NTRK2: variants seen among roughly 807,000 people sequenced by gnomAD.
The protein encoded by NTRK2 is neurotrophic receptor tyrosine kinase 2.
A neutral mutation model predicts 94.5 loss-of-function variants in NTRK2; 13 were observed. The ratio of observed to expected loss-of-function variants is 0.14; its 90% CI spans 0.09 to 0.22. The LOEUF is 0.22. Ranked by LOEUF, NTRK2 falls within the 10% of genes least tolerant of loss-of-function variation. The probability of loss-of-function intolerance (pLI) is 1.00; values close to 1 mark genes in which losing one functional copy is unlikely to be tolerated. For synonymous variants in NTRK2, 372 were observed against 407.4 expected (o/e 0.91, Z 1.05); for missense variants, 639 against 1,071.2 (o/e 0.60, Z 5.63).
intron 16 of NTRK2, 107 bp from the exon 17 acceptor site, chr9:84,955,176 G>C (rs1164104537): frequency 3.5e-6 from 3 of 869,108 alleles, no homozygotes; most frequent in Non-Finnish European, 5.6e-6. Flanking sequence ...GCAGCTACAG[G>C]GTGGGGGTGA....
intron 2 of NTRK2, among the ~76,000 whole-genome samples, chr9:84,697,765 GGAAA>G (rs1361266335): frequency 6.6e-6 from 1 of 152,174 alleles, no homozygotes; most frequent in Non-Finnish European, 1.5e-5. Context: ...TGTGGAGCAG[GGAAA>G]GAAAGCTGTT....
chr9:84,718,322 C>T (rs1370162590), intron 6 of NTRK2, among the ~76,000 whole-genome samples: 1 of 152,074 alleles, frequency 6.6e-6, no homozygotes, highest in Non-Finnish European at 1.5e-5. Context: ...CCAACTCAGA[C>T]ATATTGGAAA....
chr9:84,872,132 C>G, intron 14 of NTRK2: 2 of 1,281,490 alleles, frequency 1.6e-6, no homozygotes, highest in East Asian at 3.3e-5. Flanking sequence ...TTTAACTCAA[C>G]TAGCTCGTTT....
At chr9:84,679,773 G>C (rs975893880) in intron 2 of NTRK2, among the ~76,000 whole-genome samples, 1 of 152,170 alleles carries the variant, frequency 6.6e-6, no homozygotes, top group Non-Finnish European at 1.5e-5. Context: ...TCTTTTGGTG[G>C]CTAAACAGCA....
At position 84,870,331 on chromosome 9, in the gene NTRK2, GTATATATATATATATA is replaced by G. The variant is rs1158637577; in HGVS notation, c.1633+2919_1633+2934del. The stretch of plus-strand genomic sequence containing the variant: ...ATACATATATGTGGGGTGTGTGTGT[GTATATATATATATATA>G]TATATATATATATATATAAAACTCT... On this transcript the variant is annotated intron_variant, in intron 14 of 18. Transcript: ENST00000277120. 7.4e-4 allele frequency among the ~76,000 whole-genome samples: 23 copies of G among 31,182 alleles called. 1 individual carries two copies. The South Asian group carries it at 0.018, about 25-fold the overall frequency. 20.5% of individuals were successfully genotyped at this position (31,182 alleles called of 152,430 possible). A position where few individuals can be genotyped will look rare whatever the true frequency, so the allele number is the denominator to read the frequency against.
intron 11 of NTRK2, among the ~76,000 whole-genome samples, chr9:84,749,318 T>A (rs2064376641): frequency 6.6e-6 from 1 of 152,216 alleles, no homozygotes; most frequent in African/African-American, 2.4e-5. Flanking sequence ...AGAATGATCA[T>A]TACTTTTGCT....
intron 2 of NTRK2, among the ~76,000 whole-genome samples, chr9:84,677,128 C>T (rs62561187): frequency 0.016 from 2,401 of 152,248 alleles, 32 homozygotes; most frequent in Non-Finnish European, 0.024. Flanking sequence ...AGAAGAGGGG[C>T]AGAGCAGACA....
At chr9:84,982,921 T>C (rs1416581892) in intron 17 of NTRK2, among the ~76,000 whole-genome samples, 2 of 152,214 alleles carry the variant, frequency 1.3e-5, no homozygotes, top group Non-Finnish European at 2.9e-5. Flanking sequence ...GCAGATTATA[T>C]AGATTTTTCT....
intron 12 of NTRK2, among the ~76,000 whole-genome samples, chr9:84,771,362 G>A (rs2066527380): frequency 6.6e-6 from 1 of 152,164 alleles, no homozygotes; most frequent in African/African-American, 2.4e-5. Flanking sequence ...TGTCCTGAAA[G>A]CCCTAACTCA....
intron 12 of NTRK2, among the ~76,000 whole-genome samples, chr9:84,848,326 T>C (rs1004736479): frequency 1.3e-5 from 2 of 152,226 alleles, no homozygotes; most frequent in African/African-American, 4.8e-5. Context: ...CATCTCTGAT[T>C]AATCCTGGTT....
At chr9:84,873,510 C>A (rs200812968) in intron 14 of NTRK2, 6 of 1,058,866 alleles carry the variant, frequency 5.7e-6, no homozygotes, top group African/African-American at 1.6e-5. Context: ...ACGGCCCCCC[C>A]ATTGCTAGCT....
Position 85,009,408 on chromosome 9 carries a change from A to C in NTRK2, c.2173-10798A>C, listed in dbSNP as rs10116750. ...AAAGGTTTGAGAAGCACAGGGCTAC[A>C]CTACAGTGACTTCCCTAACACTGAG... is the stretch of plus-strand genomic sequence containing the variant. On this transcript the variant is annotated intron_variant, in intron 17 of 18. Coordinates refer to ENST00000277120, the MANE Select transcript of NTRK2 (RefSeq NM_006180.6). Among the ~76,000 whole-genome samples the C allele has an allele frequency of 3.2e-3, 489 of 152,132 alleles. 1 individual carries two copies. The highest frequency in any genetic ancestry group is 5.9e-3 in the Non-Finnish European group (399 of 67,996).
intron 14 of NTRK2, among the ~76,000 whole-genome samples, chr9:84,884,062 A>C (rs926393987): frequency 6.6e-6 from 1 of 152,218 alleles, no homozygotes. Flanking sequence ...AAAATAATGT[A>C]AGAAGAGAAT....
At chr9:84,942,663 T>A (rs1369545796) in intron 15 of NTRK2, among the ~76,000 whole-genome samples, 1 of 152,158 alleles carries the variant, frequency 6.6e-6, no homozygotes, top group Non-Finnish European at 1.5e-5. Context: ...ATCGATATAG[T>A]TTATTTAACT....
chr9:84,714,715 GA>G (rs1375587563), intron 6 of NTRK2, among the ~76,000 whole-genome samples: 6 of 152,056 alleles, frequency 3.9e-5, no homozygotes, highest in African/African-American at 1.2e-4. Context: ...AGTCTTGTTT[GA>G]AAAAAATGAA....
intron 2 of NTRK2, among the ~76,000 whole-genome samples, chr9:84,679,395 T>C (rs918195982): frequency 1.3e-5 from 2 of 152,228 alleles, no homozygotes; most frequent in African/African-American, 4.8e-5. Flanking sequence ...TGTGTACTTT[T>C]TTCTGGTGGA....
intron 2 of NTRK2, among the ~76,000 whole-genome samples, chr9:84,689,818 C>T (rs553960748): frequency 6.6e-6 from 1 of 152,168 alleles, no homozygotes; most frequent in Non-Finnish European, 1.5e-5. Context: ...TGGCAACCAC[C>T]ATTCTACTTT....
chr9:84,917,578 A>G (rs1007536113), intron 14 of NTRK2, among the ~76,000 whole-genome samples: 46 of 152,250 alleles, frequency 3.0e-4, no homozygotes, highest in African/African-American at 1.1e-3. Context: ...GTTCTTGCCT[A>G]GGGAGTACTG....
At chr9:84,982,517 C>T (rs770808076) in intron 17 of NTRK2, among the ~76,000 whole-genome samples, 1 of 152,168 alleles carries the variant, frequency 6.6e-6, no homozygotes. Context: ...AGCTAAGTGC[C>T]TCTCTCTTCT....
Sources: gnomAD v4.1 joint callset for allele counts (sites outside exome capture counted in the v4.1 genomes callset) on GRCh38, gnomAD v4.1.1 for gene constraint, MANE v1.5 for transcripts, NCBI Gene and HGNC (gene_info 2026-07-23, HGNC 2026-07-21) for gene names.